ANKS1B: variants seen among roughly 807,000 people sequenced by gnomAD.
The protein encoded by ANKS1B is ankyrin repeat and sterile alpha motif domain containing 1B.
Under a neutral mutation model 148.3 loss-of-function variants are expected in ANKS1B, and 36 were observed. That is an observed-to-expected ratio of 0.24 (90% CI 0.19 to 0.32). ANKS1B has a LOEUF of 0.32. Ranked by LOEUF, ANKS1B falls within the 10% of genes least tolerant of loss-of-function variation. The pLI is 1.00. For synonymous variants in ANKS1B, 542 were observed against 560.8 expected, an observed-to-expected ratio of 0.97 and a Z score of 0.47; for missense variants, 1,157 against 1,542.6, an observed-to-expected ratio of 0.75 and a Z score of 4.19.
At chr12:99,235,882 G>C (rs931306925) in intron 14 of ANKS1B, among the ~76,000 whole-genome samples, 6 of 152,156 alleles carry the variant, frequency 3.9e-5, no homozygotes, top group Non-Finnish European at 8.8e-5. Flanking sequence ...GTGTCACTTA[G>C]ACCTGCATAT....
In ANKS1B at chr12:98,812,066, T is replaced by C. The variant is rs2099100916; in HGVS notation, c.3067-4148A>G. ...CATTTTTTAGATGTTATAACAAATA[T>C]TTTCTATTTATAAGCTATGTTGTAA... On this transcript the variant is annotated intron_variant, in intron 19 of 26. Coordinates refer to ENST00000683438, the MANE Select transcript of ANKS1B (RefSeq NM_001352186.2). Among the ~76,000 whole-genome samples the C allele has an allele frequency of 2.0e-5, 3 of 152,182 alleles. No homozygotes were observed. The South Asian group carries it at 6.2e-4, about 32-fold the overall frequency.
At chr12:99,708,207 G>A (rs1323763890) in intron 8 of ANKS1B, among the ~76,000 whole-genome samples, 1 of 152,108 alleles carries the variant, frequency 6.6e-6, no homozygotes, top group Non-Finnish European at 1.5e-5. Flanking sequence ...GATGACAAGG[G>A]GTTGGAAATG....
intron 8 of ANKS1B, among the ~76,000 whole-genome samples, chr12:99,745,849 A>AGAT (rs2060544218): frequency 6.6e-6 from 1 of 152,016 alleles, no homozygotes; most frequent in Non-Finnish European, 1.5e-5. Flanking sequence ...TACAATATTT[A>AGAT]ACTACTGATC....
chr12:98,808,194 T>C (rs948031053), intron 19 of ANKS1B, among the ~76,000 whole-genome samples: 3 of 152,216 alleles, frequency 2.0e-5, no homozygotes, highest in Non-Finnish European at 1.5e-5. Context: ...GCAAACTGTA[T>C]TTTATATTTG....
chr12:99,451,382 A>G (rs553100263), intron 10 of ANKS1B, among the ~76,000 whole-genome samples: 13 of 152,354 alleles, frequency 8.5e-5, no homozygotes, highest in African/African-American at 3.1e-4. Flanking sequence ...GGACCATGAT[A>G]GATGCTTTTC....
intron 13 of ANKS1B, 141 bp downstream of exon 13, chr12:99,246,134 C>T: frequency 3.2e-6 from 2 of 619,910 alleles, no homozygotes. Context: ...GCATTACCCA[C>T]AGAACCATTT....
In ANKS1B at chr12:98,801,175, A is replaced by G. The variant is rs771285235; in HGVS notation, c.3142-50T>C. On this transcript the variant is annotated intron_variant, in intron 20 of 26. Coordinates refer to ENST00000683438, the MANE Select transcript of ANKS1B (RefSeq NM_001352186.2). This position sits in a 1 kb window ranked among gnomAD's most constrained non-coding sequence, Gnocchi z 5.2. ...GCAATATGAGCAGTCAGCAAAGTTC[A>G]TTCCCTGTAGCTACCCTGAGCTCAC... The G allele has an allele frequency of 6.3e-7, 1 of 1,598,712 alleles. No individual in the cohort carries two copies. Among genetic ancestry groups the G allele is most frequent in the Non-Finnish European group, 8.5e-7 (1 of 1,171,268 alleles).
chr12:99,421,497 T>G, intron 11 of ANKS1B, among the ~76,000 whole-genome samples: 1 of 151,062 alleles, frequency 6.6e-6, no homozygotes. Context: ...TTTGGAGGAG[T>G]GAGGGCTCAT....
At chr12:99,928,180 G>C (rs2094519280) in intron 1 of ANKS1B, among the ~76,000 whole-genome samples, 1 of 151,762 alleles carries the variant, frequency 6.6e-6, no homozygotes, top group Non-Finnish European at 1.5e-5. Flanking sequence ...TGGTGGCTTG[G>C]GTAATTAAAA....
intron 25 of ANKS1B, among the ~76,000 whole-genome samples, chr12:98,757,437 C>A (rs78407436): frequency 0.016 from 2,442 of 152,320 alleles, 38 homozygotes; most frequent in Non-Finnish European, 0.021. Flanking sequence ...AACTGGAACA[C>A]CATGCGATGC....
intron 12 of ANKS1B, among the ~76,000 whole-genome samples, chr12:99,357,122 CTATT>C (rs1309810094): frequency 1.3e-5 from 2 of 151,776 alleles, no homozygotes; most frequent in Non-Finnish European, 2.9e-5. Context: ...ATACATGTAT[CTATT>C]TATAACACTT....
At chr12:99,331,330 A>G (rs1254463800) in intron 12 of ANKS1B, among the ~76,000 whole-genome samples, 1 of 152,108 alleles carries the variant, frequency 6.6e-6, no homozygotes, top group South Asian at 2.1e-4. Flanking sequence ...AAATGTCAAA[A>G]TTCACCTTAA....
At chr12:98,990,461 G>A (rs1270506568) in intron 17 of ANKS1B, among the ~76,000 whole-genome samples, 1 of 148,696 alleles carries the variant, frequency 6.7e-6, no homozygotes, top group Non-Finnish European at 1.5e-5. Flanking sequence ...GAGAGAAACA[G>A]AAAAATAAAT....
chr12:99,968,933 G>A (rs1017574435), intron 1 of ANKS1B, among the ~76,000 whole-genome samples: 2 of 152,082 alleles, frequency 1.3e-5, no homozygotes, highest in Non-Finnish European at 2.9e-5. Context: ...AGCTTCCTGA[G>A]GCCTCACCTG....
At chr12:99,832,389 A>G (rs1425059269) in intron 1 of ANKS1B, among the ~76,000 whole-genome samples, 1 of 152,042 alleles carries the variant, frequency 6.6e-6, no homozygotes. Context: ...GGAGATCGAG[A>G]CCAGCCTGTC....
At chr12:99,592,690 G>A (rs1384906592) in intron 9 of ANKS1B, among the ~76,000 whole-genome samples, 1 of 152,146 alleles carries the variant, frequency 6.6e-6, no homozygotes, top group South Asian at 2.1e-4. Flanking sequence ...GTCAAACTCT[G>A]TCAAATATTT....
At chr12:98,908,607 C>T (rs1430004648) in intron 17 of ANKS1B, among the ~76,000 whole-genome samples, 1 of 152,134 alleles carries the variant, frequency 6.6e-6, no homozygotes, top group Non-Finnish European at 1.5e-5. Context: ...TACCTGCATT[C>T]CTCTAATTCT....
downstream of ANKS1B, among the ~76,000 whole-genome samples, chr12:98,739,474 T>C (rs895508185): frequency 3.9e-5 from 6 of 152,222 alleles, no homozygotes; most frequent in South Asian, 2.1e-4. Flanking sequence ...CAACCTGCTC[T>C]CAATTCTCAG....
intron 17 of ANKS1B, among the ~76,000 whole-genome samples, chr12:98,961,461 C>T (rs2099871316): frequency 6.6e-6 from 1 of 152,044 alleles, no homozygotes; most frequent in Admixed American, 6.5e-5. Flanking sequence ...TCATCAACAC[C>T]AGACCTGTCC....
Sources: allele counts gnomAD v4.1 joint callset (sites outside exome capture counted in the v4.1 genomes callset), GRCh38; gene constraint gnomAD v4.1.1; non-coding constraint Gnocchi (gnomAD v3.1); transcripts MANE v1.5; gene names NCBI Gene and HGNC (gene_info 2026-07-23, HGNC 2026-07-21).